Variants in PWWP3A observed in about 807,000 individuals in gnomAD.
PWWP3A encodes the protein PWWP domain-containing DNA repair factor 3A.
In PWWP3A, 53 loss-of-function variants were observed where a neutral mutation model predicts 79.0. The ratio of observed to expected loss-of-function variants is 0.67; its 90% confidence interval spans 0.54 to 0.84. The LOEUF (loss-of-function observed/expected upper bound fraction) is 0.84. PWWP3A is among the 40% of genes least tolerant of loss of function. The pLI, the probability that PWWP3A is intolerant of heterozygous loss-of-function variation, is 0.00. For synonymous variants in PWWP3A, 443 were observed against 394.4 expected (o/e 1.12, Z -1.46); for missense variants, 973 against 948.0 (o/e 1.03, Z -0.35).
intron 6 of PWWP3A, among the ~76,000 whole-genome samples, chr19:1,362,563 C>T (rs1356353501): frequency 6.6e-6 from 1 of 152,204 alleles, no homozygotes; most frequent in Admixed American, 6.5e-5. Context: ...ACGAGAGACT[C>T]CTGGGAAGAG....
chr19:1,364,182 A>G (rs558471036), intron 6 of PWWP3A: 24 of 554,034 alleles, frequency 4.3e-5, no homozygotes, highest in Middle Eastern at 3.0e-4. Context: ...AGAGTTAGGA[A>G]AGTCGCGCAC....
intron 12 of PWWP3A, chr19:1,372,443 G>A (rs549017199): frequency 6.6e-6 from 1 of 152,044 alleles, no homozygotes; most frequent in South Asian, 2.1e-4. Context: ...TGTGTATTCA[G>A]GATACTCTTT....
chr19:1,364,310 A>G, intron 6 of PWWP3A, 199 bp from the exon 7 acceptor site: 3 of 686,876 alleles, frequency 4.4e-6, no homozygotes, highest in South Asian at 2.9e-5. Context: ...CTGTCTCATC[A>G]TTGGTGGTTA....
At chr19:1,371,505 T>A (rs1365637263) in intron 12 of PWWP3A, 3 of 658,710 alleles carry the variant, frequency 4.6e-6, no homozygotes, top group Non-Finnish European at 8.3e-6. Flanking sequence ...CGCCTCATAC[T>A]CTGATAAACC....
chr19:1,362,472 C>A (rs1693997891), intron 6 of PWWP3A, 121 bp downstream of exon 6: 2 of 710,416 alleles, frequency 2.8e-6, no homozygotes, highest in Admixed American at 2.8e-5. Flanking sequence ...CATTTCTCTC[C>A]CACTGAACCG....
intron 9 of PWWP3A, among the ~76,000 whole-genome samples, chr19:1,367,983 G>C (rs924427230): frequency 3.3e-5 from 5 of 152,084 alleles, no homozygotes; most frequent in African/African-American, 4.8e-5. Context: ...GGAGTGCAGC[G>C]GTGCGATCTC....
chr19:1,376,291 G>GTTTTTTTTTTTTTTTTTTTTT (rs1350699607), intron 13 of PWWP3A, among the ~76,000 whole-genome samples: 11 of 50,856 alleles, frequency 2.2e-4, no homozygotes, highest in East Asian at 8.1e-4. Flanking sequence ...ACGCCCGGCT[G>GTTTTTTTTTTTTTTTTTTTTT]TTTGTTTTTT....
chr19:1,373,040 C>T, intron 12 of PWWP3A, 32 bp from the exon 13 acceptor site: 1 of 1,606,776 alleles, frequency 6.2e-7, no homozygotes, highest in Non-Finnish European at 8.5e-7. Flanking sequence ...TGGGCAGTGC[C>T]TGCTGCTATT....
intron 11 of PWWP3A, among the ~76,000 whole-genome samples, chr19:1,370,089 T>A (rs1181715070): frequency 6.6e-6 from 1 of 152,082 alleles, no homozygotes; most frequent in Non-Finnish European, 1.5e-5. Context: ...AAAAATGAGC[T>A]GGGCGTGTGG....
In PWWP3A at chr19:1,362,417, C is replaced by T. The variant is rs1034823848; in HGVS notation, c.1213+66C>T. The T allele has an allele frequency of 1.3e-5, 16 of 1,266,466 alleles. No individual in the cohort carries two copies. In the African/African-American group the frequency reaches 2.3e-4, roughly 18 times the overall value. The allele number at this position is 1,266,466 out of a possible 1,614,324, so 78.5% of individuals were successfully genotyped here. On this transcript the variant is annotated intron_variant, in intron 6 of 13. Coordinates refer to ENST00000591337, the MANE Select transcript of PWWP3A (RefSeq NM_001369789.1). ...GCTCAGAGGCAGCGGCGGCGGGGCT[C>T]CGAGACCGGGCCCCACATTCTCCAT...
At position 1,377,084 on chromosome 19, in the gene PWWP3A, C is replaced by T. The variant is rs539593637; in HGVS notation, c.*508C>T. 155 of 153,168 alleles carry T rather than the reference C, an allele frequency of 1.0e-3. No homozygotes were observed. Among genetic ancestry groups the T allele is most frequent in the Non-Finnish European group, 2.1e-3 (142 of 68,678 alleles). The allele number at this position is 153,168 out of a possible 1,614,324, so 9.5% of individuals were successfully genotyped here. On this transcript the variant is annotated 3_prime_UTR_variant, in exon 14 of 14. Coordinates refer to ENST00000591337, the MANE Select transcript of PWWP3A (RefSeq NM_001369789.1). ...TTGCTCTCCCACTCAGTGTGCTCTG[C>T]AGCTGTGAGGAAACAGCCTTCGTTA...
intron 7 of PWWP3A, among the ~76,000 whole-genome samples, chr19:1,365,816 C>G (rs1043587396): frequency 6.6e-6 from 1 of 152,250 alleles, no homozygotes; most frequent in Non-Finnish European, 1.5e-5. Context: ...CCATCGGAGG[C>G]GCTGGTCGCC....
rs1192720427 is a variant in PWWP3A, at chr19:1,361,011, G to T, written c.1090G>T (p.Asp364Tyr). ...ADATRCLPCP[D>Y]SQKLEKECQS... ...TGCAACCAGATGTCTTCCTTGCCCG[G>T]ATTCCCAGAAGCTGGAGAAAGGTAA... The change falls in exon 5 of 14, where the codon GAT (aspartate) becomes TAT (tyrosine). Residue 364 changes from aspartate (D) to tyrosine (Y), a missense_variant. Coordinates refer to ENST00000591337, the MANE Select transcript of PWWP3A (RefSeq NM_001369789.1). The T allele has an allele frequency of 2.8e-6, 4 of 1,430,642 alleles. No homozygotes were observed. The South Asian group carries it at 6.1e-5, about 22-fold the overall frequency. The allele number at this position is 1,430,642 out of a possible 1,614,324, so 88.6% of individuals were successfully genotyped here. A position where few individuals can be genotyped will look rare whatever the true frequency, so the allele number is the denominator to read the frequency against.
In PWWP3A at chr19:1,377,423, C is replaced by T. The variant is rs1272813143; in HGVS notation, c.*847C>T. The T allele has an allele frequency of 6.6e-6, 1 of 152,346 alleles. No homozygotes were observed. 9.4% of individuals were successfully genotyped at this position (152,346 alleles called of 1,614,324 possible). A position where few individuals can be genotyped will look rare whatever the true frequency, so the allele number is the denominator to read the frequency against. On this transcript the variant is annotated 3_prime_UTR_variant, in exon 14 of 14. Transcript: ENST00000591337. ...CAGCAGTCAGGGTCACTGTGGGAGCCCTGGGGTGGAGTGACAAACCGCATT... is the reference window on the plus strand; with the variant it reads ...CAGCAGTCAGGGTCACTGTGGGAGCTCTGGGGTGGAGTGACAAACCGCATT...
intron 5 of PWWP3A, 140 bp from the exon 6 acceptor site, chr19:1,362,110 G>A: frequency 1.9e-6 from 1 of 538,096 alleles, no homozygotes; most frequent in Non-Finnish European, 3.2e-6. Context: ...CACTCTGTTT[G>A]AATTTGGCAG....
At chr19:1,375,058 TAAA>T (rs36062259) in intron 13 of PWWP3A, among the ~76,000 whole-genome samples, 3 of 137,816 alleles carry the variant, frequency 2.2e-5, no homozygotes, top group South Asian at 2.3e-4. Flanking sequence ...ATCTCTACTT[TAAA>T]AAAAAAAAAA....
chr19:1,369,791 TTTTGATG>T lies in PWWP3A; in HGVS notation c.1549+147_1549+153del. 1 of 967,316 alleles carries T rather than the reference TTTTGATG, an allele frequency of 1.0e-6. No homozygotes were observed. Among genetic ancestry groups the T allele is most frequent in the Non-Finnish European group, 1.6e-6 (1 of 609,760 alleles). 59.9% of individuals were successfully genotyped at this position (967,316 alleles called of 1,614,324 possible). A position where few individuals can be genotyped will look rare whatever the true frequency, so the allele number is the denominator to read the frequency against. On this transcript the variant is annotated intron_variant, in intron 11 of 13. Transcript: ENST00000591337. This position sits in a 1 kb window ranked among gnomAD's most constrained non-coding sequence, Gnocchi z 4.0. ...ACAGCATTGTTCAACCTCTATGAGG[TTTTGATG>T]TGACCCTGAGGCTCCCTGGGACCTG...
Position 1,370,880 on chromosome 19 carries a change from G to A in PWWP3A, c.1788G>A (p.Arg596=), listed in dbSNP as rs1008399980. 3.9e-6 allele frequency: 6 copies of A among 1,557,496 alleles called. No homozygotes were observed. In the Admixed American group the frequency reaches 1.2e-4, roughly 30 times the overall value. ...ESHLRAILKS[R]KPSRWLQTFL... ...ACCTGCGGGCCATCCTAAAGAGCAGGAAGCCATCTCGCTGGCTGCAGACCT... is the reference window on the plus strand; with the variant it reads ...ACCTGCGGGCCATCCTAAAGAGCAGAAAGCCATCTCGCTGGCTGCAGACCT... The change falls in exon 12 of 14, where the codon AGG becomes AGA. Residue 596 remains arginine (R), a synonymous_variant. Transcript: ENST00000591337.
intron 5 of PWWP3A, among the ~76,000 whole-genome samples, chr19:1,361,318 G>A (rs969124685): frequency 6.6e-6 from 1 of 152,234 alleles, no homozygotes; most frequent in Non-Finnish European, 1.5e-5. Flanking sequence ...TCTGCGGCGC[G>A]GCTGGGAGCA....
Sources: allele counts gnomAD v4.1 joint callset (sites outside exome capture counted in the v4.1 genomes callset), GRCh38; gene constraint gnomAD v4.1.1; non-coding constraint Gnocchi (gnomAD v3.1); transcripts MANE v1.5; gene names NCBI Gene and HGNC (gene_info 2026-07-23, HGNC 2026-07-21).